The following AGBL1 variants were observed in gnomAD, a reference collection of about 807,000 sequenced individuals.
AGBL1 encodes cytosolic carboxypeptidase 4.
In AGBL1, 130 loss-of-function variants were observed where a neutral mutation model predicts 118.9. The ratio of observed to expected loss-of-function variants is 1.09; its 90% confidence interval spans 0.95 to 1.26. AGBL1 has a LOEUF of 1.26. Among genes scored for constraint, AGBL1 ranks in the 50% most tolerant of loss-of-function variants. The pLI, the probability that AGBL1 is intolerant of heterozygous loss-of-function variation, is 0.00. For synonymous variants in AGBL1, 555 were observed against 478.9 expected, an observed-to-expected ratio of 1.16 and a Z score of -2.08; for missense variants, 1,584 against 1,298.1, an observed-to-expected ratio of 1.22 and a Z score of -3.38.
chr15:86,658,552 T>C (rs765711904), intron 21 of AGBL1, among the ~76,000 whole-genome samples: 1 of 152,072 alleles, frequency 6.6e-6, no homozygotes, highest in Non-Finnish European at 1.5e-5. Flanking sequence ...AAAATGAAAA[T>C]ATGAACCCCT....
intron 21 of AGBL1, among the ~76,000 whole-genome samples, chr15:86,614,098 T>G: frequency 6.6e-6 from 1 of 152,294 alleles, no homozygotes; most frequent in East Asian, 1.9e-4. Flanking sequence ...CTCTGGATAA[T>G]AGAAGATTCT....
intron 1 of AGBL1, among the ~76,000 whole-genome samples, chr15:86,137,764 G>C (rs983270398): frequency 1.3e-5 from 2 of 152,076 alleles, no homozygotes; most frequent in Non-Finnish European, 2.9e-5. Flanking sequence ...GCAGGGGAGA[G>C]AGACCCACAT....
At chr15:86,978,883 G>C (rs946669272) in intron 23 of AGBL1, among the ~76,000 whole-genome samples, 1 of 152,196 alleles carries the variant, frequency 6.6e-6, no homozygotes, top group African/African-American at 2.4e-5. Flanking sequence ...CCAGTCAGGG[G>C]GAACCCATAA....
downstream of AGBL1, among the ~76,000 whole-genome samples, chr15:86,919,809 T>C (rs16978079): frequency 0.19 from 29,517 of 152,060 alleles, 4,402 homozygotes; most frequent in African/African-American, 0.42. Flanking sequence ...ATGAGAAAGA[T>C]GGTGTGGCAG....
chr15:86,842,116 T>C (rs989084872), intron 22 of AGBL1, among the ~76,000 whole-genome samples: 39 of 152,068 alleles, frequency 2.6e-4, no homozygotes, highest in African/African-American at 9.2e-4. Context: ...TCTAAATTCT[T>C]ACCTAGAGGA....
In AGBL1 at chr15:86,913,999, G is replaced by C. The variant is rs1273372825; in HGVS notation, c.*6705G>C. The C allele has an allele frequency of 6.6e-6, 1 of 152,180 alleles. No homozygotes were observed. The highest frequency in any genetic ancestry group is 1.9e-4 in the East Asian group (1 of 5,192). The allele number at this position is 152,180 out of a possible 1,614,324, so 9.4% of individuals were successfully genotyped here. ...TTTCTTGGTATCAGACAAGTATTAT[G>C]ACCAGCTCCTGGCAAAATAAGTAAC... On this transcript the variant is annotated 3_prime_UTR_variant, in exon 23 of 23. Coordinates refer to ENST00000614907, the MANE Select transcript of AGBL1 (RefSeq NM_001386094.1).
At chr15:86,642,511 A>AC in intron 21 of AGBL1, among the ~76,000 whole-genome samples, 1 of 152,266 alleles carries the variant, frequency 6.6e-6, no homozygotes, top group East Asian at 1.9e-4. Flanking sequence ...TTTTAAAAAA[A>AC]ATTGTGTTAA....
intron 21 of AGBL1, among the ~76,000 whole-genome samples, chr15:86,589,966 G>A (rs897633241): frequency 2.6e-5 from 4 of 152,212 alleles, no homozygotes; most frequent in Middle Eastern, 3.4e-3. Context: ...TAGGGGCAAA[G>A]GGAAAACTTC....
intron 22 of AGBL1, among the ~76,000 whole-genome samples, chr15:86,790,077 A>G (rs1189520039): frequency 6.6e-6 from 1 of 152,066 alleles, no homozygotes; most frequent in Non-Finnish European, 1.5e-5. Flanking sequence ...CTCATTACTT[A>G]TTTCTCATCC....
chr15:86,477,924 C>G (rs1231811072), intron 18 of AGBL1, among the ~76,000 whole-genome samples: 1 of 152,122 alleles, frequency 6.6e-6, no homozygotes, highest in Non-Finnish European at 1.5e-5. Context: ...AAGGCTGATT[C>G]AACATACGCA....
intron 21 of AGBL1, among the ~76,000 whole-genome samples, chr15:86,649,791 A>G (rs967302419): frequency 2.7e-5 from 4 of 149,892 alleles, no homozygotes; most frequent in African/African-American, 7.4e-5. Context: ...GGCTTATAAT[A>G]TAATGCCTAT....
intron 17 of AGBL1, among the ~76,000 whole-genome samples, chr15:86,342,473 A>G (rs1308117425): frequency 6.6e-6 from 1 of 152,196 alleles, no homozygotes; most frequent in Non-Finnish European, 1.5e-5. Flanking sequence ...AGTAATAAAG[A>G]TTAAATATTT....
intron 6 of AGBL1, among the ~76,000 whole-genome samples, chr15:86,227,579 G>C (rs922053066): frequency 1.3e-5 from 2 of 152,358 alleles, no homozygotes; most frequent in East Asian, 3.9e-4. Context: ...TATCCCCCAT[G>C]GGGGGTGGAC....
chr15:86,752,851 C>T (rs2077875707), intron 22 of AGBL1, among the ~76,000 whole-genome samples: 1 of 151,950 alleles, frequency 6.6e-6, no homozygotes, highest in African/African-American at 2.4e-5. Flanking sequence ...ATTTTCTGAA[C>T]CAAAAATCAA....
At chr15:86,968,300 T>G (rs2081074515) in intron 23 of AGBL1, among the ~76,000 whole-genome samples, 1 of 151,890 alleles carries the variant, frequency 6.6e-6, no homozygotes, top group Non-Finnish European at 1.5e-5. Flanking sequence ...CTCAGATTTG[T>G]GTAATTGCAA....
chr15:86,329,959 C>A (rs2080244569), intron 17 of AGBL1, among the ~76,000 whole-genome samples: 2 of 152,234 alleles, frequency 1.3e-5, no homozygotes, highest in African/African-American at 2.4e-5. Context: ...CCCCCTACAT[C>A]ACTGTGCAGA....
intron 18 of AGBL1, among the ~76,000 whole-genome samples, chr15:86,491,858 G>GT (rs1338040346): frequency 1.3e-5 from 2 of 151,740 alleles, no homozygotes; most frequent in African/African-American, 2.4e-5. Context: ...CTGGCTGTGT[G>GT]TGGGGGGTGG....
intron 21 of AGBL1, among the ~76,000 whole-genome samples, chr15:86,602,580 T>C (rs1369217762): frequency 6.6e-6 from 1 of 152,148 alleles, no homozygotes; most frequent in East Asian, 1.9e-4. Context: ...ACGAAAAGAT[T>C]TGTAGTGGGT....
chr15:86,568,973 T>A (rs912627946), intron 21 of AGBL1, among the ~76,000 whole-genome samples: 1 of 152,206 alleles, frequency 6.6e-6, no homozygotes, highest in Admixed American at 6.5e-5. Flanking sequence ...TGAGATACTT[T>A]GTTGATCTAT....
Sources: allele counts gnomAD v4.1 joint callset (sites outside exome capture counted in the v4.1 genomes callset), GRCh38; gene constraint gnomAD v4.1.1; transcripts MANE v1.5; gene names NCBI Gene and HGNC (gene_info 2026-07-23, HGNC 2026-07-21).